Variants in XKR4 observed in about 807,000 individuals in gnomAD.
XKR4 encodes the protein XK-related protein 4.
A neutral mutation model predicts 53.9 loss-of-function variants in XKR4; 12 were observed. That is an observed-to-expected ratio of 0.22 (90% CI 0.14 to 0.36). The LOEUF is 0.36. XKR4 is among the 10% of genes least tolerant of loss of function. The probability of loss-of-function intolerance (pLI) is 1.00; values close to 1 mark genes in which losing one functional copy is unlikely to be tolerated. For missense variants in XKR4, 799 were observed against 859.5 expected (o/e 0.93, Z 0.88); for synonymous variants, 354 against 362.4 (o/e 0.98, Z 0.26).
Position 55,193,922 on chromosome 8 carries a change from A to C in XKR4, c.806+90628A>C, listed in dbSNP as rs1008304714. Among the ~76,000 whole-genome samples, 4 of 152,288 alleles carry C rather than the reference A, an allele frequency of 2.6e-5. 1 individual carries two copies. Among genetic ancestry groups the C allele is most frequent in the Admixed American group, 2.6e-4 (4 of 15,280 alleles). ...CCTCCTGCCTCATAGCCGACCTTGCAGAGTGGCTGGGAATGTGAGGCCTCT... is the reference window on the plus strand; with the variant it reads ...CCTCCTGCCTCATAGCCGACCTTGCCGAGTGGCTGGGAATGTGAGGCCTCT... On this transcript the variant is annotated intron_variant, in intron 1 of 2. Transcript: ENST00000327381.
At chr8:55,513,375 G>A (rs1806658980) in intron 2 of XKR4, among the ~76,000 whole-genome samples, 2 of 152,162 alleles carry the variant, frequency 1.3e-5, no homozygotes. Context: ...ATCTAGGAAG[G>A]AGAACAGCTA....
chr8:55,371,026 C>A lies in XKR4; in HGVS notation c.1006+13149C>A, dbSNP rs544395391. Among the ~76,000 whole-genome samples the A allele has an allele frequency of 3.3e-5, 5 of 151,184 alleles. No individual in the cohort carries two copies. The South Asian group carries it at 1.1e-3, about 32-fold the overall frequency. Reference sequence around the variant, plus strand: ...CAAAACCTTATTAGAAGTCAATGTGCTGTGTCCTAGTGGTGGTCACTTTGA... The same window carrying A: ...CAAAACCTTATTAGAAGTCAATGTGATGTGTCCTAGTGGTGGTCACTTTGA... On this transcript the variant is annotated intron_variant, in intron 2 of 2. Coordinates refer to ENST00000327381, the MANE Select transcript of XKR4 (RefSeq NM_052898.2).
At chr8:55,481,815 T>A (rs1018318373) in intron 2 of XKR4, among the ~76,000 whole-genome samples, 6 of 152,030 alleles carry the variant, frequency 3.9e-5, no homozygotes, top group Non-Finnish European at 8.8e-5. Context: ...TCACTGGCCA[T>A]CAGAGAAATT....
intron 2 of XKR4, among the ~76,000 whole-genome samples, chr8:55,490,678 A>G (rs994914334): frequency 6.6e-6 from 1 of 152,344 alleles, no homozygotes; most frequent in South Asian, 2.1e-4. Context: ...GTCAGCAGTC[A>G]TCTTTGTTCC....
At chr8:55,489,757 A>G (rs1426461850) in intron 2 of XKR4, among the ~76,000 whole-genome samples, 1 of 152,158 alleles carries the variant, frequency 6.6e-6, no homozygotes, top group East Asian at 1.9e-4. Flanking sequence ...ATAAACATAT[A>G]TTTTAAATTA....
At chr8:55,429,931 A>G (rs982375991) in intron 2 of XKR4, among the ~76,000 whole-genome samples, 3 of 152,130 alleles carry the variant, frequency 2.0e-5, no homozygotes, top group African/African-American at 7.2e-5. Context: ...AGCTCTCAAA[A>G]CTCAACAATA....
intron 1 of XKR4, among the ~76,000 whole-genome samples, chr8:55,337,882 C>G (rs1475928944): frequency 6.6e-6 from 1 of 152,278 alleles, no homozygotes; most frequent in Non-Finnish European, 1.5e-5. Context: ...ATTTTCCTCA[C>G]TATGTTATGA....
intron 2 of XKR4, among the ~76,000 whole-genome samples, chr8:55,379,139 G>T (rs916492921): frequency 6.6e-6 from 1 of 152,098 alleles, no homozygotes; most frequent in African/African-American, 2.4e-5. Context: ...CTTACAGTCT[G>T]GGGGTCAGAT....
intron 1 of XKR4, among the ~76,000 whole-genome samples, chr8:55,351,354 T>C (rs1803720234): frequency 6.6e-6 from 1 of 152,184 alleles, no homozygotes; most frequent in Non-Finnish European, 1.5e-5. Flanking sequence ...TTTTATTCTA[T>C]TGGAAGAAAC....
chr8:55,333,413 G>A (rs1803407863), intron 1 of XKR4, among the ~76,000 whole-genome samples: 2 of 152,114 alleles, frequency 1.3e-5, no homozygotes, highest in African/African-American at 4.8e-5. Flanking sequence ...AAGACTTAAA[G>A]TCTTCTCAGG....
chr8:55,368,842 C>G (rs988250851), intron 2 of XKR4, among the ~76,000 whole-genome samples: 1 of 152,308 alleles, frequency 6.6e-6, no homozygotes, highest in Admixed American at 6.5e-5. Flanking sequence ...CTAGCCAATA[C>G]AGACTGCTCA....
intron 1 of XKR4, among the ~76,000 whole-genome samples, chr8:55,321,965 G>A (rs967900565): frequency 5.3e-5 from 8 of 150,584 alleles, no homozygotes; most frequent in Non-Finnish European, 1.2e-4. Context: ...CTCCAGCCTG[G>A]TGACAGAGCG....
chr8:55,446,417 CTG>C (rs1805347390), intron 2 of XKR4, among the ~76,000 whole-genome samples: 1 of 152,178 alleles, frequency 6.6e-6, no homozygotes, highest in African/African-American at 2.4e-5. Context: ...TCTCAGCTCA[CTG>C]CAACCTCCAT....
chr8:55,370,011 G>A (rs985532024), intron 2 of XKR4, among the ~76,000 whole-genome samples: 2 of 152,146 alleles, frequency 1.3e-5, no homozygotes, highest in Non-Finnish European at 2.9e-5. Context: ...AGTGAGCTAT[G>A]ATTGTACCAG....
intron 2 of XKR4, among the ~76,000 whole-genome samples, chr8:55,377,559 A>G (rs545943758): frequency 6.6e-5 from 10 of 152,328 alleles, no homozygotes; most frequent in African/African-American, 2.4e-4. Context: ...AAGGAGCAAC[A>G]AAAGAAAGAG....
At chr8:55,183,908 A>T (rs1228403472) in intron 1 of XKR4, among the ~76,000 whole-genome samples, 1 of 152,066 alleles carries the variant, frequency 6.6e-6, no homozygotes, top group Non-Finnish European at 1.5e-5. Flanking sequence ...ATGTAATTTG[A>T]ATCTCTATTA....
chr8:55,495,802 C>T (rs1271849230), intron 2 of XKR4, among the ~76,000 whole-genome samples: 1 of 152,238 alleles, frequency 6.6e-6, no homozygotes, highest in Non-Finnish European at 1.5e-5. Context: ...CACTACTGCT[C>T]CCGCAGCTGC....
intron 1 of XKR4, among the ~76,000 whole-genome samples, chr8:55,184,260 G>T (rs146542849): frequency 1.3e-5 from 2 of 152,232 alleles, no homozygotes; most frequent in East Asian, 3.9e-4. Context: ...GTTCTCATGG[G>T]ATTAAGAAAA....
At chr8:55,348,872 A>G (rs749793514) in intron 1 of XKR4, among the ~76,000 whole-genome samples, 8 of 152,196 alleles carry the variant, frequency 5.3e-5, no homozygotes, top group Non-Finnish European at 7.3e-5. Flanking sequence ...ATGGATACAG[A>G]TAGACATATA....
Sources: gnomAD v4.1 joint callset for allele counts (sites outside exome capture counted in the v4.1 genomes callset) on GRCh38, gnomAD v4.1.1 for gene constraint, MANE v1.5 for transcripts, NCBI Gene and HGNC (gene_info 2026-07-23, HGNC 2026-07-21) for gene names.